Variants in SUGCT observed in about 807,000 individuals in gnomAD.
The protein encoded by SUGCT is succinyl-CoA:glutarate-CoA transferase.
SUGCT carries 41 observed loss-of-function variants against 55.0 expected under a neutral mutation model. That is an observed-to-expected ratio of 0.74 (90% CI 0.58 to 0.97). The LOEUF (loss-of-function observed/expected upper bound fraction) is 0.97, where lower values mean the gene tolerates loss of function less well. Among genes scored for constraint, SUGCT ranks in the 50% least tolerant of loss-of-function variants. The probability of loss-of-function intolerance (pLI) is 0.00; values close to 1 mark genes in which losing one functional copy is unlikely to be tolerated. For synonymous variants in SUGCT, 187 were observed against 200.4 expected, an observed-to-expected ratio of 0.93 and a Z score of 0.56; for missense variants, 568 against 547.8, an observed-to-expected ratio of 1.04 and a Z score of -0.37.
At chr7:40,627,299 G>A (rs539466642) in intron 12 of SUGCT, among the ~76,000 whole-genome samples, 271 of 152,346 alleles carry the variant, frequency 1.8e-3, no homozygotes, top group African/African-American at 6.1e-3. Context: ...TTCAAGGGCT[G>A]TGGATACAGA....
intron 9 of SUGCT, among the ~76,000 whole-genome samples, chr7:40,346,636 TAC>T (rs1797327880): frequency 6.6e-6 from 1 of 152,202 alleles, no homozygotes; most frequent in Non-Finnish European, 1.5e-5. Flanking sequence ...TTTGCAGACA[TAC>T]ACACACACTG....
intron 11 of SUGCT, among the ~76,000 whole-genome samples, chr7:40,459,821 T>G (rs1583734712): frequency 6.6e-6 from 1 of 152,200 alleles, no homozygotes; most frequent in East Asian, 1.9e-4. Context: ...TGTCAGGTTA[T>G]TTTTTTGTAA....
chr7:40,560,104 T>C (rs1795758072), intron 12 of SUGCT, among the ~76,000 whole-genome samples: 1 of 152,080 alleles, frequency 6.6e-6, no homozygotes, highest in Admixed American at 6.6e-5. Flanking sequence ...TCTTGAAGAG[T>C]GTAAATATAA....
chr7:40,442,986 C>G (rs1788603510), intron 9 of SUGCT, among the ~76,000 whole-genome samples: 2 of 152,138 alleles, frequency 1.3e-5, no homozygotes, highest in Non-Finnish European at 2.9e-5. Flanking sequence ...GGTTTTCTGT[C>G]CTTGTGATAG....
chr7:40,316,083 A>C (rs1358321257), intron 8 of SUGCT, among the ~76,000 whole-genome samples: 1 of 152,182 alleles, frequency 6.6e-6, no homozygotes, highest in Non-Finnish European at 1.5e-5. Context: ...AGTTCTCAAA[A>C]ATTGAATCGA....
At chr7:40,604,514 A>G (rs936299079) in intron 12 of SUGCT, among the ~76,000 whole-genome samples, 2 of 152,140 alleles carry the variant, frequency 1.3e-5, no homozygotes, top group African/African-American at 4.8e-5. Context: ...ACTTTATGCC[A>G]TTGAGCCTTT....
intron 13 of SUGCT, among the ~76,000 whole-genome samples, chr7:40,772,578 G>GCTATCTAT (rs70990645): frequency 0.15 from 15,692 of 103,678 alleles, 1,457 homozygotes; most frequent in African/African-American, 0.16. Flanking sequence ...TTATCTATCT[G>GCTATCTAT]CTATCTATCT....
the SUGCT span, among the ~76,000 whole-genome samples, chr7:40,956,272 TGCTAG>T: frequency 6.6e-6 from 1 of 152,178 alleles, no homozygotes; most frequent in Non-Finnish European, 1.5e-5. Flanking sequence ...TTTTTTTGGT[TGCTAG>T]GCTATTAATT....
At chr7:40,732,027 T>A (rs569845647) in intron 12 of SUGCT, among the ~76,000 whole-genome samples, 4 of 152,276 alleles carry the variant, frequency 2.6e-5, no homozygotes, top group African/African-American at 9.6e-5. Context: ...TAGGATACAG[T>A]TTGTTTTAGG....
At chr7:40,847,407 C>CTTTTTTTTTTTTTTTTTTTTTTTTTTTT (rs1338885686) in intron 13 of SUGCT, among the ~76,000 whole-genome samples, 3 of 117,856 alleles carry the variant, frequency 2.5e-5, no homozygotes, top group Admixed American at 9.6e-5. Context: ...TCTTTTCTTT[C>CTTTTTTTTTTTTTTTTTTTTTTTTTTTT]TTTCTTTTTT....
intron 1 of SUGCT, among the ~76,000 whole-genome samples, chr7:40,149,985 C>T (rs1339333273): frequency 1.3e-5 from 2 of 152,140 alleles, no homozygotes; most frequent in Non-Finnish European, 2.9e-5. Context: ...CCCAGCTACT[C>T]AGGAGGTTGA....
chr7:40,710,889 T>G (rs1254487417), intron 12 of SUGCT, among the ~76,000 whole-genome samples: 2 of 152,212 alleles, frequency 1.3e-5, no homozygotes, highest in African/African-American at 4.8e-5. Context: ...TGCCTGTATG[T>G]TCTCTGTGTT....
intron 9 of SUGCT, among the ~76,000 whole-genome samples, chr7:40,379,032 A>G (rs148899242): frequency 1.7e-3 from 260 of 152,286 alleles, no homozygotes; most frequent in Non-Finnish European, 3.0e-3. Context: ...AATTACATAC[A>G]TCCTTATCAG....
chr7:40,197,403 A>G (rs1359676312), intron 6 of SUGCT, among the ~76,000 whole-genome samples: 1 of 152,332 alleles, frequency 6.6e-6, no homozygotes, highest in Non-Finnish European at 1.5e-5. Flanking sequence ...AACGCTGCAT[A>G]GCCAACAAAT....
intron 12 of SUGCT, among the ~76,000 whole-genome samples, chr7:40,560,311 A>G (rs1795771961): frequency 6.6e-6 from 1 of 152,318 alleles, no homozygotes; most frequent in African/African-American, 2.4e-5. Flanking sequence ...GTACACATGC[A>G]TACATGTTTT....
Position 40,761,986 on chromosome 7 carries a change from G to A in SUGCT, c.1153+12489G>A, listed in dbSNP as rs529158903. ...GCGGGAGAGGGTTGGCCAGGAGCAC[G>A]CCCCGGGGAACCTGTGTGGTAAGAG... On this transcript the variant is annotated intron_variant, in intron 13 of 13. Transcript: ENST00000335693. Among the ~76,000 whole-genome samples, 11 of 152,308 alleles carry A rather than the reference G, an allele frequency of 7.2e-5. No homozygotes were observed. The South Asian group carries it at 1.9e-3, about 26-fold the overall frequency.
intron 7 of SUGCT, among the ~76,000 whole-genome samples, chr7:40,249,346 T>TATATATATATATATATATAA (rs1219733878): frequency 3.9e-5 from 5 of 129,826 alleles, no homozygotes; most frequent in African/African-American, 1.5e-4. Context: ...TATATATATA[T>TATATATATATATATATATAA]AATTATATTA....
the SUGCT span, among the ~76,000 whole-genome samples, chr7:40,916,684 CAACTT>C: frequency 6.6e-6 from 1 of 152,234 alleles, no homozygotes; most frequent in African/African-American, 2.4e-5. Context: ...ACTTAAAAAA[CAACTT>C]TATGTATGTG....
chr7:40,151,378 CTG>C (rs1185411124), intron 1 of SUGCT, among the ~76,000 whole-genome samples: 1 of 152,210 alleles, frequency 6.6e-6, no homozygotes, highest in Non-Finnish European at 1.5e-5. Context: ...CTGAAAGCAT[CTG>C]TGTGGCAGCT....
Sources: gnomAD v4.1 joint callset for allele counts (sites outside exome capture counted in the v4.1 genomes callset) on GRCh38, gnomAD v4.1.1 for gene constraint, MANE v1.5 for transcripts, NCBI Gene and HGNC (gene_info 2026-07-23, HGNC 2026-07-21) for gene names.